The following GTF2IRD1 variants were observed in gnomAD, a reference collection of about 807,000 sequenced individuals.
GTF2IRD1 encodes the protein GTF2I repeat domain containing 1, also known as general transcription factor II-I repeat domain-containing protein 1.
GTF2IRD1 carries 26 observed loss-of-function variants against 113.2 expected under a neutral mutation model. The observed-to-expected ratio is 0.23, with a 90% CI of 0.17 to 0.32. The LOEUF (loss-of-function observed/expected upper bound fraction) is 0.32. Among genes scored for constraint, GTF2IRD1 ranks in the 10% least tolerant of loss-of-function variants. The pLI, the probability that GTF2IRD1 is intolerant of heterozygous loss-of-function variation, is 1.00. For missense variants in GTF2IRD1, 864 were observed against 1,280.8 expected (o/e 0.67, Z 4.97); for synonymous variants, 484 against 529.1 (o/e 0.91, Z 1.17).
rs1802276044 is a variant in GTF2IRD1 at position 74,594,400 on chromosome 7, A to G, written c.2592-614A>G. 3.3e-5 allele frequency among the ~76,000 whole-genome samples: 5 copies of G among 152,104 alleles called. No homozygotes were observed. The South Asian group carries it at 1.0e-3, about 32-fold the overall frequency. On this transcript the variant is annotated intron_variant, in intron 24 of 26. Transcript: ENST00000424337. Reference sequence around the variant, plus strand: ...GTCTCAAAAATAATAATTGATAATAATGCTGTGATGAATATCCACTTGCAT... The same window carrying G: ...GTCTCAAAAATAATAATTGATAATAGTGCTGTGATGAATATCCACTTGCAT...
At chr7:74,462,873 C>T (rs1256577613) in intron 1 of GTF2IRD1, among the ~76,000 whole-genome samples, 1 of 152,262 alleles carries the variant, frequency 6.6e-6, no homozygotes, top group African/African-American at 2.4e-5. Flanking sequence ...TGGCCCCATG[C>T]GATCCTCCCG....
chr7:74,586,242 C>G (rs1554367731), intron 22 of GTF2IRD1, among the ~76,000 whole-genome samples: 6 of 152,130 alleles, frequency 3.9e-5, no homozygotes, highest in African/African-American at 1.4e-4. Flanking sequence ...GGTCCTTGGG[C>G]CCAGGACTCC....
intron 21 of GTF2IRD1, among the ~76,000 whole-genome samples, chr7:74,559,313 G>A: frequency 6.6e-6 from 1 of 152,284 alleles, no homozygotes; most frequent in African/African-American, 2.4e-5. Context: ...CCCGCTCACT[G>A]CACCCCCAGC....
intron 8 of GTF2IRD1, among the ~76,000 whole-genome samples, chr7:74,528,416 T>A (rs1189748440): frequency 6.6e-6 from 1 of 152,144 alleles, no homozygotes; most frequent in Non-Finnish European, 1.5e-5. Context: ...TTGCCCAGGC[T>A]GGTCTTGAAC....
chr7:74,466,026 C>T (rs1461363761), intron 1 of GTF2IRD1, among the ~76,000 whole-genome samples: 4 of 152,232 alleles, frequency 2.6e-5, no homozygotes, highest in Non-Finnish European at 5.9e-5. Flanking sequence ...CCGCCTTGGC[C>T]TCCCAATGTG....
intron 1 of GTF2IRD1, among the ~76,000 whole-genome samples, chr7:74,492,379 C>T (rs940922151): frequency 5.3e-5 from 8 of 151,814 alleles, no homozygotes; most frequent in Admixed American, 3.3e-4. Context: ...ACCATGTTAG[C>T]CAGGATGGTC....
intron 25 of GTF2IRD1, among the ~76,000 whole-genome samples, chr7:74,597,629 G>C (rs1389248325): frequency 6.6e-6 from 1 of 152,056 alleles, no homozygotes; most frequent in Non-Finnish European, 1.5e-5. Context: ...TTACAGGCGT[G>C]AGCTACTGTG....
chr7:74,591,973 G>T (rs1802090109), intron 24 of GTF2IRD1, among the ~76,000 whole-genome samples: 1 of 151,104 alleles, frequency 6.6e-6, no homozygotes, highest in South Asian at 2.1e-4. Context: ...ATTATTTTCA[G>T]AATAATACAC....
chr7:74,579,359 C>T (rs186053156), intron 22 of GTF2IRD1, among the ~76,000 whole-genome samples: 150,348 of 152,274 alleles, frequency 0.99, 74,225 homozygotes, highest in East Asian at 1. Flanking sequence ...GGCTCATGCC[C>T]GTAATCCCAG....
At chr7:74,591,983 C>T (rs1244976049) in intron 24 of GTF2IRD1, among the ~76,000 whole-genome samples, 2 of 151,590 alleles carry the variant, frequency 1.3e-5, no homozygotes, top group Non-Finnish European at 2.9e-5. Flanking sequence ...GAATAATACA[C>T]ACAGCAACCT....
chr7:74,488,715 A>G (rs985816045), intron 1 of GTF2IRD1, among the ~76,000 whole-genome samples: 2 of 152,056 alleles, frequency 1.3e-5, no homozygotes, highest in African/African-American at 4.8e-5. Flanking sequence ...GTAGTTAGCT[A>G]TGATTGCATC....
intron 21 of GTF2IRD1, 76 bp from the exon 22 acceptor site, chr7:74,559,551 G>A: frequency 7.5e-7 from 1 of 1,337,720 alleles, no homozygotes; most frequent in South Asian, 1.3e-5. Flanking sequence ...GGAGACCGAG[G>A]CCACTGAATC....
intron 22 of GTF2IRD1, among the ~76,000 whole-genome samples, chr7:74,562,304 G>C (rs746991941): frequency 3.9e-5 from 6 of 152,186 alleles, no homozygotes; most frequent in Non-Finnish European, 7.3e-5. Flanking sequence ...GTGGCAGATA[G>C]TTGCAGAGAG....
At chr7:74,543,553 T>C (rs1236775673) in intron 14 of GTF2IRD1, among the ~76,000 whole-genome samples, 14 of 152,274 alleles carry the variant, frequency 9.2e-5, no homozygotes, top group Middle Eastern at 3.4e-3. Context: ...TGCATTTGTG[T>C]GCTTTTTCTG....
chr7:74,598,083 C>T (rs1353753235), intron 25 of GTF2IRD1, among the ~76,000 whole-genome samples: 1 of 152,080 alleles, frequency 6.6e-6, no homozygotes, highest in African/African-American at 2.4e-5. Context: ...ATTAGCCAGG[C>T]GTGGTGGCGC....
chr7:74,547,439 C>CTTT (rs782144976), intron 17 of GTF2IRD1, among the ~76,000 whole-genome samples, 153 bp downstream of exon 17: 109 of 111,160 alleles, frequency 9.8e-4, no homozygotes, highest in African/African-American at 2.1e-3. Flanking sequence ...CATGCCCAGC[C>CTTT]TTTTTTTTTT....
At chr7:74,590,151 G>A (rs1200063758) in intron 23 of GTF2IRD1, among the ~76,000 whole-genome samples, 2 of 151,558 alleles carry the variant, frequency 1.3e-5, no homozygotes, top group African/African-American at 2.4e-5. Context: ...GCGTATCTCC[G>A]CTCACTGCAG....
rs912391067 is a variant in GTF2IRD1, at chr7:74,534,767, G to A, written c.1275-346G>A. Among the ~76,000 whole-genome samples the A allele has an allele frequency of 7.3e-5, 11 of 151,554 alleles. No individual in the cohort carries two copies. In the South Asian group the frequency reaches 2.1e-3, roughly 29 times the overall value. On this transcript the variant is annotated intron_variant, in intron 9 of 26. Coordinates refer to ENST00000424337, the MANE Select transcript of GTF2IRD1 (RefSeq NM_005685.4). ...AAAGTACAACAATTAGCAGGGCATGGTGGTGCACGTCTGTAGTCCCAGCTA... is the reference window on the plus strand; with the variant it reads ...AAAGTACAACAATTAGCAGGGCATGATGGTGCACGTCTGTAGTCCCAGCTA...
intron 13 of GTF2IRD1, among the ~76,000 whole-genome samples, chr7:74,539,047 A>G (rs1798474563): frequency 6.6e-6 from 1 of 152,166 alleles, no homozygotes; most frequent in Admixed American, 6.5e-5. Context: ...CATGGGTGTG[A>G]GAGGCTCTGA....
Sources: allele counts gnomAD v4.1 joint callset (sites outside exome capture counted in the v4.1 genomes callset), GRCh38; gene constraint gnomAD v4.1.1; transcripts MANE v1.5; gene names NCBI Gene and HGNC (gene_info 2026-07-23, HGNC 2026-07-21).